The following PARD3B variants were observed in gnomAD, a reference collection of about 807,000 sequenced individuals.
PARD3B encodes par-3 family cell polarity regulator beta.
A neutral mutation model predicts 130.2 loss-of-function variants in PARD3B; 103 were observed. That is an observed-to-expected ratio of 0.79 (90% CI 0.67 to 0.93). The LOEUF (loss-of-function observed/expected upper bound fraction) is 0.93, where lower values mean the gene tolerates loss of function less well. Among genes scored for constraint, PARD3B ranks in the 40% least tolerant of loss-of-function variants. PARD3B has a pLI of 0.00. For synonymous variants in PARD3B, 583 were observed against 553.2 expected (o/e 1.05, Z -0.76); for missense variants, 1,609 against 1,499.2 (o/e 1.07, Z -1.21).
chr2:205,041,709 A>G (rs1038252531), intron 3 of PARD3B, among the ~76,000 whole-genome samples: 1 of 152,074 alleles, frequency 6.6e-6, no homozygotes, highest in Non-Finnish European at 1.5e-5. Flanking sequence ...GGTTATGCTC[A>G]GGAGAATCAT....
At chr2:205,478,495 C>T (rs532036110) in intron 20 of PARD3B, among the ~76,000 whole-genome samples, 16 of 152,280 alleles carry the variant, frequency 1.1e-4, no homozygotes, top group South Asian at 4.1e-4. Context: ...ATAGTCTATT[C>T]GCTTTTACCC....
Position 204,815,109 on chromosome 2 carries a change from G to A in PARD3B, c.222+128827G>A, listed in dbSNP as rs373192272. 2.0e-5 allele frequency among the ~76,000 whole-genome samples: 3 copies of A among 151,820 alleles called. No individual in the cohort carries two copies. The East Asian group carries it at 5.8e-4, about 29-fold the overall frequency. Reference sequence around the variant, plus strand: ...ACTTATTTTCTCATATACTTTTCTGGAATAGTTGATGTAGAATTAATATCT... The same window carrying A: ...ACTTATTTTCTCATATACTTTTCTGAAATAGTTGATGTAGAATTAATATCT... On this transcript the variant is annotated intron_variant, in intron 2 of 22. Transcript: ENST00000406610.
intron 1 of PARD3B, among the ~76,000 whole-genome samples, chr2:204,646,914 T>C (rs1374464791): frequency 6.6e-6 from 1 of 152,050 alleles, no homozygotes; most frequent in East Asian, 1.9e-4. Flanking sequence ...ACACTTACAT[T>C]ATCCTACAGT....
chr2:205,185,858 C>T lies in PARD3B; in HGVS notation c.2019C>T (p.Ser673=), dbSNP rs1341067939. 1.2e-6 allele frequency: 2 copies of T among 1,610,100 alleles called. No homozygotes were observed. Among genetic ancestry groups the T allele is most frequent in the Non-Finnish European group, 1.7e-6 (2 of 1,176,492 alleles). Residue 673 remains serine (S), a synonymous_variant, in exon 14 of 23, where the codon AGC becomes AGT. Coordinates refer to ENST00000406610, the MANE Select transcript of PARD3B (RefSeq NM_001302769.2). ...TGGGATTGGGCCTCGAAGATTACAG[C>T]CACAGGTATTGATAAAATGATGTAT... ...SALGLGLEDY[S]HSSGVDSAVY...
chr2:204,678,899 G>T lies in PARD3B; in HGVS notation c.121-7282G>T, dbSNP rs532268734. ...CTCCTGTCGGTATCGCTAACATACA[G>T]ATCAAGAAATAGAACATTGCCCTAG... On this transcript the variant is annotated intron_variant, in intron 1 of 22. Transcript: ENST00000406610. This position sits in a 1 kb window ranked among gnomAD's most constrained non-coding sequence, Gnocchi z 4.2. Among the ~76,000 whole-genome samples the T allele has an allele frequency of 1.3e-5, 2 of 152,220 alleles. No individual in the cohort carries two copies. Among genetic ancestry groups the T allele is most frequent in the South Asian group, 2.1e-4 (1 of 4,816 alleles).
intron 3 of PARD3B, among the ~76,000 whole-genome samples, chr2:204,978,681 G>T (rs1692400034): frequency 1.3e-5 from 2 of 152,086 alleles, no homozygotes; most frequent in Non-Finnish European, 1.5e-5. Context: ...ACAGATTTTG[G>T]CTGTGCATGG....
intron 3 of PARD3B, among the ~76,000 whole-genome samples, chr2:204,979,075 G>A (rs1054685385): frequency 6.6e-6 from 1 of 151,846 alleles, no homozygotes; most frequent in Non-Finnish European, 1.5e-5. Flanking sequence ...GCGTGGTGGC[G>A]GGCGCCTTTA....
At chr2:204,984,384 T>A (rs1692946814) in intron 3 of PARD3B, among the ~76,000 whole-genome samples, 1 of 152,128 alleles carries the variant, frequency 6.6e-6, no homozygotes, top group Non-Finnish European at 1.5e-5. Flanking sequence ...AGTTTCATAT[T>A]GAAGGTGGAA....
At chr2:204,806,212 AG>A (rs1409220382) in intron 2 of PARD3B, among the ~76,000 whole-genome samples, 1 of 152,184 alleles carries the variant, frequency 6.6e-6, no homozygotes, top group South Asian at 2.1e-4. Context: ...ACAAAACTGG[AG>A]GAATCATACT....
intron 11 of PARD3B, among the ~76,000 whole-genome samples, chr2:205,164,812 T>C (rs1252007076): frequency 1.7e-5 from 2 of 116,060 alleles, no homozygotes; most frequent in Non-Finnish European, 3.6e-5. Flanking sequence ...CTATAGGCCA[T>C]ATATATGTAT....
At chr2:205,057,566 T>G (rs1448295395) in intron 4 of PARD3B, among the ~76,000 whole-genome samples, 1 of 143,848 alleles carries the variant, frequency 7.0e-6, no homozygotes, top group African/African-American at 2.5e-5. Flanking sequence ...TATATACATA[T>G]ATGTATATGT....
chr2:205,348,939 CAAA>C (rs1341892774), intron 18 of PARD3B, among the ~76,000 whole-genome samples: 6 of 152,026 alleles, frequency 3.9e-5, no homozygotes, highest in Admixed American at 3.9e-4. Context: ...CAAATCAACT[CAAA>C]GAGGAAAATT....
rs1393201296 is a variant in PARD3B, at chr2:205,116,403, G to A, written c.681-2518G>A. On this transcript the variant is annotated intron_variant, in intron 6 of 22. Transcript: ENST00000406610. The surrounding 1 kb of genome is among the most constrained non-coding windows in gnomAD (Gnocchi z 4.5). ...GAGTCACTGAGGCTGTGTGACATTG[G>A]GAAAAGAACAGGAAGGGGGCAAGGA... Among the ~76,000 whole-genome samples, 2 of 152,048 alleles carry A rather than the reference G, an allele frequency of 1.3e-5. No individual in the cohort carries two copies. Among genetic ancestry groups the A allele is most frequent in the East Asian group, 3.9e-4 (2 of 5,192 alleles).
At chr2:204,715,344 G>T (rs187140432) in intron 2 of PARD3B, among the ~76,000 whole-genome samples, 3 of 152,044 alleles carry the variant, frequency 2.0e-5, no homozygotes, top group African/African-American at 7.2e-5. Context: ...ATGTATTCTT[G>T]AAAACCATTC....
chr2:204,734,071 TTTAATATTAA>T (rs1341057433), intron 2 of PARD3B, among the ~76,000 whole-genome samples: 1 of 152,146 alleles, frequency 6.6e-6, no homozygotes, highest in Middle Eastern at 3.2e-3. Context: ...ACTCTTATAA[TTTAATATTAA>T]GAAGGTACCC....
chr2:204,929,737 C>G (rs985503477), intron 2 of PARD3B, among the ~76,000 whole-genome samples: 2 of 151,178 alleles, frequency 1.3e-5, no homozygotes, highest in Non-Finnish European at 2.9e-5. Flanking sequence ...TCCCTTACCC[C>G]CTGCCAAGAA....
intron 2 of PARD3B, among the ~76,000 whole-genome samples, chr2:204,733,479 CTTTT>C (rs34103852): frequency 1.1e-4 from 14 of 127,230 alleles, no homozygotes; most frequent in East Asian, 2.3e-4. Flanking sequence ...CCTTGACAGG[CTTTT>C]TTTTTTTTTT....
At chr2:204,563,259 C>CTCTCTT (rs2031457568) in intron 1 of PARD3B, among the ~76,000 whole-genome samples, 1 of 142,944 alleles carries the variant, frequency 7.0e-6, no homozygotes, top group Non-Finnish European at 1.5e-5. Flanking sequence ...CTCTCTCTCT[C>CTCTCTT]TCTCTCTTTC....
In PARD3B at chr2:205,373,703, A is replaced by G. The variant is rs542503627; in HGVS notation, c.2631-27310A>G. On this transcript the variant is annotated intron_variant, in intron 18 of 22. Transcript: ENST00000406610. ...CTTTCATGCTACAAGAAAAGTTAATATCTAGTCCTTAAATACGTTGTTGAT... is the reference window on the plus strand; with the variant it reads ...CTTTCATGCTACAAGAAAAGTTAATGTCTAGTCCTTAAATACGTTGTTGAT... Among the ~76,000 whole-genome samples the G allele has an allele frequency of 3.3e-5, 5 of 152,340 alleles. No individual in the cohort carries two copies. The South Asian group carries it at 6.2e-4, about 19-fold the overall frequency.
Sources: allele counts gnomAD v4.1 joint callset (sites outside exome capture counted in the v4.1 genomes callset), GRCh38; gene constraint gnomAD v4.1.1; non-coding constraint Gnocchi (gnomAD v3.1); transcripts MANE v1.5; gene names NCBI Gene and HGNC (gene_info 2026-07-23, HGNC 2026-07-21).